CSMD1: variants seen among roughly 807,000 people sequenced by gnomAD.
The protein encoded by CSMD1 is CUB and sushi domain-containing protein 1.
Under a neutral mutation model 417.5 loss-of-function variants are expected in CSMD1, and 213 were observed. The ratio of observed to expected loss-of-function variants is 0.51; its 90% CI spans 0.46 to 0.57. The LOEUF (loss-of-function observed/expected upper bound fraction) is 0.57, where lower values mean the gene tolerates loss of function less well. Among genes scored for constraint, CSMD1 ranks in the 20% least tolerant of loss-of-function variants. CSMD1 has a pLI of 0.00. For missense variants in CSMD1, 6,923 were observed against 4,529.7 expected, an observed-to-expected ratio of 1.53 and a Z score of -15.17; for synonymous variants, 2,862 against 1,736.8, an observed-to-expected ratio of 1.65 and a Z score of -16.11.
intron 1 of CSMD1, among the ~76,000 whole-genome samples, chr8:4,933,465 A>G (rs779217219): frequency 3.9e-5 from 6 of 152,224 alleles, no homozygotes; most frequent in Non-Finnish European, 8.8e-5. Context: ...AAAGCCAACA[A>G]GGAGAGAACT....
chr8:3,155,318 T>C (rs1263694266), intron 39 of CSMD1, among the ~76,000 whole-genome samples: 9 of 150,588 alleles, frequency 6.0e-5, no homozygotes, highest in Admixed American at 2.0e-4. Flanking sequence ...TTGTTTCGTT[T>C]TTTAAATTTT....
intron 2 of CSMD1, among the ~76,000 whole-genome samples, chr8:4,456,985 TA>T (rs1554485114): frequency 2.9e-4 from 40 of 138,794 alleles, no homozygotes; most frequent in South Asian, 4.7e-4. Context: ...GGTTTTTTTT[TA>T]AAAAAAAAAA....
Position 3,406,084 on chromosome 8 carries a change from T to G in CSMD1, c.2209A>C (p.Thr737Pro). The G allele has an allele frequency of 6.2e-7, 1 of 1,613,960 alleles. No homozygotes were observed. Among genetic ancestry groups the G allele is most frequent in the South Asian group, 1.1e-5 (1 of 91,074 alleles). ...ACGTTCCCGTCTTGCAGTATGCAGG[T>G]AATGGACTCGGATCCCTGGGTCTTG... ...FVKTQGSESITCILQDGNVVW... is the reference protein window; with the variant it reads ...FVKTQGSESIPCILQDGNVVW... The change falls in exon 15 of 70, where the codon ACC becomes CCC. Residue 737 changes from threonine to proline, a missense_variant. By Grantham distance (38) the Thr-to-Pro change is conservative (BLOSUM62 -1). Coordinates refer to ENST00000635120, the MANE Select transcript of CSMD1 (RefSeq NM_033225.6).
intron 3 of CSMD1, among the ~76,000 whole-genome samples, chr8:4,374,464 G>A (rs1265107219): frequency 6.6e-6 from 1 of 152,106 alleles, no homozygotes; most frequent in African/African-American, 2.4e-5. Context: ...CCTACGGAGT[G>A]AAAGGAAGAC....
chr8:4,656,174 C>T (rs117426666), intron 1 of CSMD1, among the ~76,000 whole-genome samples: 1 of 152,042 alleles, frequency 6.6e-6, no homozygotes, highest in East Asian at 1.9e-4. Context: ...GGGAAAACCC[C>T]ATAAGAACAC....
intron 3 of CSMD1, among the ~76,000 whole-genome samples, chr8:4,197,688 G>C (rs1381023274): frequency 6.6e-6 from 1 of 152,180 alleles, no homozygotes; most frequent in East Asian, 1.9e-4. Flanking sequence ...AGGCCAGCTT[G>C]GCCAACATAG....
At chr8:4,070,583 T>C (rs181502111) in intron 3 of CSMD1, among the ~76,000 whole-genome samples, 1 of 152,110 alleles carries the variant, frequency 6.6e-6, no homozygotes, top group Non-Finnish European at 1.5e-5. Flanking sequence ...GGTCTCGTTC[T>C]CCTGACCTCG....
chr8:3,361,289 T>C (rs983387774), intron 20 of CSMD1, among the ~76,000 whole-genome samples: 1 of 152,112 alleles, frequency 6.6e-6, no homozygotes, highest in Non-Finnish European at 1.5e-5. Context: ...AAGGATATAC[T>C]GTGTGCACTC....
intron 26 of CSMD1, among the ~76,000 whole-genome samples, chr8:3,277,204 T>A (rs2117192710): frequency 6.6e-6 from 1 of 152,266 alleles, no homozygotes; most frequent in East Asian, 1.9e-4. Flanking sequence ...GGGGAAGTTT[T>A]CAGAGGGTTT....
chr8:3,491,510 G>A lies in CSMD1; in HGVS notation c.1448+2113C>T, dbSNP rs187320865. On this transcript the variant is annotated intron_variant, in intron 11 of 69. Transcript: ENST00000635120. Reference sequence around the variant, plus strand: ...ATAATAAGTTGTGGTCCAGCAACATGATTTCAATTATGCTTATTAGTAATA... The same window carrying A: ...ATAATAAGTTGTGGTCCAGCAACATAATTTCAATTATGCTTATTAGTAATA... Among the ~76,000 whole-genome samples the A allele has an allele frequency of 9.2e-5, 14 of 152,296 alleles. 1 individual carries two copies. The highest frequency in any genetic ancestry group is 9.1e-4 in the Admixed American group (14 of 15,302).
At chr8:4,770,274 A>G (rs1287613618) in intron 1 of CSMD1, among the ~76,000 whole-genome samples, 1 of 148,224 alleles carries the variant, frequency 6.7e-6, no homozygotes, top group African/African-American at 2.5e-5. Flanking sequence ...AAATTTGTAA[A>G]TATATATGTG....
At chr8:3,460,096 C>T (rs753325387) in intron 12 of CSMD1, among the ~76,000 whole-genome samples, 1 of 151,980 alleles carries the variant, frequency 6.6e-6, no homozygotes, top group Non-Finnish European at 1.5e-5. Flanking sequence ...GGAAGAAAGG[C>T]AATTAAACAA....
intron 41 of CSMD1, among the ~76,000 whole-genome samples, chr8:3,120,500 C>G (rs1205672878): frequency 1.3e-5 from 2 of 152,026 alleles, no homozygotes; most frequent in Non-Finnish European, 2.9e-5. Flanking sequence ...CGTTATTATC[C>G]ATAGCTTTCT....
Position 3,359,136 on chromosome 8 carries a change from G to A in CSMD1, c.3304+16C>T. 6.2e-7 allele frequency: 1 copy of A among 1,613,166 alleles called. No homozygotes were observed. Among genetic ancestry groups the A allele is most frequent in the Non-Finnish European group, 8.5e-7 (1 of 1,179,364 alleles). On this transcript the variant is annotated intron_variant, in intron 21 of 69. Coordinates refer to ENST00000635120, the MANE Select transcript of CSMD1 (RefSeq NM_033225.6). ...GCCCCCATGGATGAATGAAATGAAA[G>A]CGTGTGACCACCTACCCACACACCT...
intron 5 of CSMD1, among the ~76,000 whole-genome samples, chr8:3,871,650 C>G (rs1411991679): frequency 6.6e-6 from 1 of 152,226 alleles, no homozygotes; most frequent in East Asian, 1.9e-4. Flanking sequence ...TACCATTAGT[C>G]TCAACCTTTA....
intron 6 of CSMD1, among the ~76,000 whole-genome samples, chr8:3,744,521 G>T (rs192107807): frequency 2.6e-5 from 4 of 151,938 alleles, no homozygotes; most frequent in South Asian, 2.1e-4. Context: ...AAATAAAATA[G>T]ATCCAAAGAT....
chr8:4,799,152 G>A (rs1485562572), intron 1 of CSMD1, among the ~76,000 whole-genome samples: 1 of 152,158 alleles, frequency 6.6e-6, no homozygotes, highest in Non-Finnish European at 1.5e-5. Context: ...CATGAGAGAT[G>A]TGCTTACATA....
intron 41 of CSMD1, among the ~76,000 whole-genome samples, chr8:3,124,892 T>G (rs1817410136): frequency 1.3e-5 from 2 of 152,214 alleles, no homozygotes; most frequent in African/African-American, 4.8e-5. Context: ...TGCCAATTAG[T>G]TTCTTTTTCT....
chr8:4,990,833 T>C (rs1811423098), intron 1 of CSMD1, among the ~76,000 whole-genome samples: 1 of 152,126 alleles, frequency 6.6e-6, no homozygotes, highest in Non-Finnish European at 1.5e-5. Flanking sequence ...TTTAATAAGG[T>C]AACTCATCTA....
Sources: gnomAD v4.1 joint callset for allele counts (sites outside exome capture counted in the v4.1 genomes callset) on GRCh38, gnomAD v4.1.1 for gene constraint, MANE v1.5 for transcripts, NCBI Gene and HGNC (gene_info 2026-07-23, HGNC 2026-07-21) for gene names.